The following PPP2R3A variants were observed in gnomAD, a reference collection of about 807,000 sequenced individuals.
The protein encoded by PPP2R3A is protein phosphatase 2 regulatory subunit B''alpha.
PPP2R3A carries 80 observed loss-of-function variants against 106.9 expected under a neutral mutation model. That is an observed-to-expected ratio of 0.75 (90% CI 0.62 to 0.90). PPP2R3A has a LOEUF of 0.90. Among genes scored for constraint, PPP2R3A ranks in the 40% least tolerant of loss-of-function variants. The pLI is 0.00. For missense variants in PPP2R3A, 1,386 were observed against 1,350.4 expected (o/e 1.03, Z -0.41); for synonymous variants, 483 against 468.3 (o/e 1.03, Z -0.41).
intron 1 of PPP2R3A, among the ~76,000 whole-genome samples, chr3:135,998,563 T>C (rs1412033637): frequency 6.6e-6 from 1 of 152,228 alleles, no homozygotes; most frequent in Non-Finnish European, 1.5e-5. Flanking sequence ...ATGTATCTAA[T>C]GACTTTTTTT....
intron 5 of PPP2R3A, among the ~76,000 whole-genome samples, chr3:136,056,484 A>C (rs1049021560): frequency 2.8e-4 from 7 of 24,952 alleles, no homozygotes; most frequent in Admixed American, 1.7e-3. Context: ...ACTATTCTAA[A>C]AAAAAAAAAC....
At chr3:136,042,104 C>T (rs1935308203) in intron 4 of PPP2R3A, among the ~76,000 whole-genome samples, 1 of 152,174 alleles carries the variant, frequency 6.6e-6, no homozygotes, top group South Asian at 2.1e-4. Flanking sequence ...CAGATTCTTT[C>T]TAATTTCTTC....
At chr3:136,038,460 A>T (rs953531632) in intron 3 of PPP2R3A, among the ~76,000 whole-genome samples, 2 of 152,344 alleles carry the variant, frequency 1.3e-5, no homozygotes, top group Admixed American at 6.5e-5. Context: ...AAATTTGCTT[A>T]GTTAGTGGAA....
chr3:136,135,565 G>A (rs1229002884), intron 13 of PPP2R3A, among the ~76,000 whole-genome samples: 1 of 152,126 alleles, frequency 6.6e-6, no homozygotes, highest in Non-Finnish European at 1.5e-5. Flanking sequence ...AAAGACCAGA[G>A]GCTTAGGAGC....
intron 13 of PPP2R3A, among the ~76,000 whole-genome samples, chr3:136,124,476 C>G (rs1449464936): frequency 6.6e-6 from 1 of 152,000 alleles, no homozygotes; most frequent in Non-Finnish European, 1.5e-5. Context: ...AAACTGAGAC[C>G]TTGTCTCAAA....
intron 1 of PPP2R3A, among the ~76,000 whole-genome samples, chr3:135,990,449 G>C (rs1933111787): frequency 1.3e-5 from 2 of 152,040 alleles, no homozygotes; most frequent in African/African-American, 4.8e-5. Context: ...ATTATTTTTT[G>C]TCTCATTTAT....
chr3:136,034,000 CTGTT>C (rs1934997291), intron 3 of PPP2R3A, among the ~76,000 whole-genome samples: 1 of 147,470 alleles, frequency 6.8e-6, no homozygotes, highest in African/African-American at 2.5e-5. Context: ...CTTAGATTGT[CTGTT>C]TGTGCTCTTT....
intron 3 of PPP2R3A, among the ~76,000 whole-genome samples, chr3:136,036,369 G>C (rs1935086153): frequency 6.6e-6 from 1 of 152,146 alleles, no homozygotes; most frequent in South Asian, 2.1e-4. Flanking sequence ...AAAGGTCTAG[G>C]GCTGAAGGCT....
intron 2 of PPP2R3A, among the ~76,000 whole-genome samples, chr3:136,007,692 C>G (rs999180427): frequency 6.6e-6 from 1 of 152,168 alleles, no homozygotes; most frequent in Non-Finnish European, 1.5e-5. Flanking sequence ...TCTTACAGTA[C>G]GCTATATACA....
rs149394013 is a variant in PPP2R3A, at chr3:136,044,943, G to A, written c.2366+3981G>A. The stretch of plus-strand genomic sequence containing the variant: ...TGGAGAGCTGGCAGAGACAGAGCTC[G>A]AGGCTACACAGAGCCCATGGGGTTT... On this transcript the variant is annotated intron_variant, in intron 4 of 13. Transcript: ENST00000264977. Among the ~76,000 whole-genome samples, 371 of 152,276 alleles carry A rather than the reference G, an allele frequency of 2.4e-3. 3 individuals carry two copies. Among genetic ancestry groups the A allele is most frequent in the Middle Eastern group, 0.017 (5 of 294 alleles).
chr3:136,115,480 G>A (rs535698289), intron 13 of PPP2R3A, among the ~76,000 whole-genome samples: 1 of 152,088 alleles, frequency 6.6e-6, no homozygotes, highest in South Asian at 2.1e-4. Flanking sequence ...CTAACCCAAT[G>A]CAAGGAAGCT....
intron 9 of PPP2R3A, among the ~76,000 whole-genome samples, chr3:136,088,823 T>G (rs1341194727): frequency 6.6e-6 from 1 of 152,204 alleles, no homozygotes; most frequent in Non-Finnish European, 1.5e-5. Flanking sequence ...TGGTTTTGAT[T>G]TGCATTTCTC....
intron 13 of PPP2R3A, among the ~76,000 whole-genome samples, chr3:136,121,380 A>G (rs1937990396): frequency 6.6e-6 from 1 of 152,192 alleles, no homozygotes; most frequent in African/African-American, 2.4e-5. Flanking sequence ...GGAGCTAAAC[A>G]TTGAATACAC....
At chr3:136,045,155 T>G (rs1340160499) in intron 4 of PPP2R3A, among the ~76,000 whole-genome samples, 1 of 152,210 alleles carries the variant, frequency 6.6e-6, no homozygotes, top group African/African-American at 2.4e-5. Context: ...CCAGGGCTCC[T>G]GTCTGGCTTC....
At chr3:135,997,696 T>C (rs941478483) in intron 1 of PPP2R3A, among the ~76,000 whole-genome samples, 3 of 152,160 alleles carry the variant, frequency 2.0e-5, no homozygotes, top group Non-Finnish European at 4.4e-5. Context: ...TGTTTTAGGA[T>C]TAGCAACACA....
chr3:135,985,360 T>C (rs1303574731), intron 1 of PPP2R3A, among the ~76,000 whole-genome samples: 5 of 132,768 alleles, frequency 3.8e-5, no homozygotes, highest in Non-Finnish European at 4.9e-5. Flanking sequence ...CCCGCCCTCT[T>C]TCCCTCTCTC....
rs1939139139 is a variant in PPP2R3A, at chr3:136,146,665, A to C, written c.*1499A>C. ...CTTCCATTTAACTATTACAGAAAGC[A>C]GTAACTATTGCAACTATCTAATAGT... is the stretch of plus-strand genomic sequence containing the variant. On this transcript the variant is annotated 3_prime_UTR_variant, in exon 14 of 14. Coordinates refer to ENST00000264977, the MANE Select transcript of PPP2R3A (RefSeq NM_002718.5). 6.6e-6 allele frequency: 1 copy of C among 152,222 alleles called. No homozygotes were observed. The highest frequency in any genetic ancestry group is 2.1e-4 in the South Asian group (1 of 4,832). The allele number at this position is 152,222 out of a possible 1,614,324, so 9.4% of individuals were successfully genotyped here. A position where few individuals can be genotyped will look rare whatever the true frequency, so the allele number is the denominator to read the frequency against.
chr3:136,115,738 G>A (rs1037106638), intron 13 of PPP2R3A, among the ~76,000 whole-genome samples: 1 of 151,828 alleles, frequency 6.6e-6, no homozygotes, highest in African/African-American at 2.4e-5. Flanking sequence ...AAGAAATATG[G>A]GACTATGTGA....
At chr3:136,051,448 G>C (rs1046544369) in intron 5 of PPP2R3A, among the ~76,000 whole-genome samples, 16 of 152,178 alleles carry the variant, frequency 1.1e-4, no homozygotes, top group African/African-American at 3.4e-4. Flanking sequence ...TCCTGCCTCA[G>C]CCTCCCAAGT....
Sources: allele counts gnomAD v4.1 joint callset (sites outside exome capture counted in the v4.1 genomes callset), GRCh38; gene constraint gnomAD v4.1.1; transcripts MANE v1.5; gene names NCBI Gene and HGNC (gene_info 2026-07-23, HGNC 2026-07-21).